Variants in CNTNAP3B observed in about 807,000 individuals in gnomAD.
CNTNAP3B encodes the protein contactin associated protein family member 3B, also known as contactin-associated protein-like 3B.
In CNTNAP3B, 25 loss-of-function variants were observed where a neutral mutation model predicts 108.9. That is an observed-to-expected ratio of 0.23 (90% CI 0.17 to 0.32). The LOEUF (loss-of-function observed/expected upper bound fraction) is 0.32. CNTNAP3B is among the 10% of genes least tolerant of loss of function. The pLI is 1.00. For synonymous variants in CNTNAP3B, 103 were observed against 473.4 expected, an observed-to-expected ratio of 0.22 and a Z score of 10.16; for missense variants, 252 against 1,210.4, an observed-to-expected ratio of 0.21 and a Z score of 11.75.
Position 41,958,461 on chromosome 9 carries a change from G to A in CNTNAP3B, c.1876+2312C>T, listed in dbSNP as rs1824946093. ...TTTTTTCTTGATAACCAGATGTGAT[G>A]TACCAGGTAAAAGTAACTGTAACTG... On this transcript the variant is annotated intron_variant, in intron 12 of 23. Transcript: ENST00000377561. Among the ~76,000 whole-genome samples, 4 of 152,108 alleles carry A rather than the reference G, an allele frequency of 2.6e-5. No homozygotes were observed. In the South Asian group the frequency reaches 6.3e-4, roughly 24 times the overall value.
chr9:41,974,992 C>T lies in CNTNAP3B; in HGVS notation c.1478-4747G>A, dbSNP rs537144589. The T allele has an allele frequency of 4.7e-3, 1,018 of 215,334 alleles. 106 individuals carry two copies. Among genetic ancestry groups the T allele is most frequent in the African/African-American group, 0.031 (974 of 31,784 alleles). The allele number at this position is 215,334 out of a possible 1,614,324, so 13.3% of individuals were successfully genotyped here. A position where few individuals can be genotyped will look rare whatever the true frequency, so the allele number is the denominator to read the frequency against. On this transcript the variant is annotated intron_variant, in intron 9 of 23. Transcript: ENST00000377561. ...CGGTCTTCCAAAGCAGCCATTCCTC[C>T]CCCAGTGAAGGAGGAACAGGACAGA...
intron 14 of CNTNAP3B, among the ~76,000 whole-genome samples, chr9:41,934,972 G>A (rs1406460084): frequency 2.0e-5 from 3 of 152,242 alleles, no homozygotes; most frequent in Non-Finnish European, 4.4e-5. Flanking sequence ...ACAGTTACAT[G>A]TGTCATCATT....
chr9:41,958,435 A>T (rs1442845789), intron 12 of CNTNAP3B, among the ~76,000 whole-genome samples: 1 of 152,120 alleles, frequency 6.6e-6, no homozygotes, highest in South Asian at 2.1e-4. Context: ...TCCAGCTGAA[A>T]TTTTTTCTTG....
chr9:41,920,952 G>A (rs1387692406), intron 17 of CNTNAP3B, among the ~76,000 whole-genome samples: 7 of 152,292 alleles, frequency 4.6e-5, no homozygotes, highest in African/African-American at 7.2e-5. Context: ...CTTGAATGCT[G>A]AAGAAACCAT....
chr9:41,950,880 C>A (rs1587136152), intron 13 of CNTNAP3B, among the ~76,000 whole-genome samples: 1 of 149,444 alleles, frequency 6.7e-6, no homozygotes, highest in East Asian at 2.0e-4. Context: ...CCTGCGTCAG[C>A]CTCCCAAGTA....
At chr9:41,967,262 G>T in intron 10 of CNTNAP3B, among the ~76,000 whole-genome samples, 1 of 152,272 alleles carries the variant, frequency 6.6e-6, no homozygotes, top group Non-Finnish European at 1.5e-5. Flanking sequence ...GGAGGTAACT[G>T]AATCATGCAG....
intron 14 of CNTNAP3B, among the ~76,000 whole-genome samples, chr9:41,931,330 A>G (rs968623093): frequency 6.6e-6 from 1 of 152,150 alleles, no homozygotes; most frequent in African/African-American, 2.4e-5. Flanking sequence ...TGGGAACATT[A>G]CAATTCTCTT....
intron 14 of CNTNAP3B, among the ~76,000 whole-genome samples, chr9:41,932,769 T>C (rs1448421762): frequency 2.3e-3 from 350 of 151,740 alleles, no homozygotes; most frequent in African/African-American, 8.2e-3. Context: ...CTGCCCGCCT[T>C]GGCCTCGCAA....
chr9:42,010,287 A>G (rs1331895251), intron 4 of CNTNAP3B, among the ~76,000 whole-genome samples: 4 of 143,048 alleles, frequency 2.8e-5, no homozygotes, highest in Non-Finnish European at 6.1e-5. Flanking sequence ...CAGAGACAGA[A>G]TGACCCAAAC....
At chr9:42,044,740 C>G (rs537525380) in intron 3 of CNTNAP3B, among the ~76,000 whole-genome samples, 4 of 144,088 alleles carry the variant, frequency 2.8e-5, no homozygotes, top group African/African-American at 8.0e-5. Flanking sequence ...GTGGACTTAA[C>G]AAGAAAAGGA....
chr9:41,929,978 T>A (rs1411915768), intron 14 of CNTNAP3B, among the ~76,000 whole-genome samples: 1 of 152,204 alleles, frequency 6.6e-6, no homozygotes, highest in Non-Finnish European at 1.5e-5. Context: ...TAACTTCCCT[T>A]CTAAAATTGT....
rs1317124103 is a variant in CNTNAP3B at position 42,118,616 on chromosome 9, C to T, written c.85+10394G>A. On this transcript the variant is annotated intron_variant, in intron 1 of 23. Coordinates refer to ENST00000377561, the MANE Select transcript of CNTNAP3B (RefSeq NM_001201380.3). ...GAAGCATTCCCTTTGAAAACTGGCA[C>T]AAGACAGGATGCCCTCTCTCACCAC... is the stretch of plus-strand genomic sequence containing the variant. Among the ~76,000 whole-genome samples the T allele has an allele frequency of 2.5e-5, 3 of 117,738 alleles. 1 individual carries two copies. The highest frequency in any genetic ancestry group is 6.9e-5 in the African/African-American group (2 of 28,872). 77.2% of individuals were successfully genotyped at this position (117,738 alleles called of 152,430 possible).
intron 1 of CNTNAP3B, among the ~76,000 whole-genome samples, chr9:42,110,545 A>G (rs1424017024): frequency 7.5e-5 from 10 of 132,512 alleles, no homozygotes; most frequent in South Asian, 2.5e-4. Context: ...AAAAAAAAAA[A>G]GAAAAAAAAA....
At chr9:42,127,330 CTTCCACTGGA>C (rs1324847831) in intron 1 of CNTNAP3B, among the ~76,000 whole-genome samples, 2 of 138,932 alleles carry the variant, frequency 1.4e-5, no homozygotes, top group Non-Finnish European at 3.1e-5. Context: ...CTTTGTAATC[CTTCCACTGGA>C]TTCCAAGCAA....
Position 42,111,053 on chromosome 9 carries a change from G to T in CNTNAP3B, c.86-6314C>A, listed in dbSNP as rs1460282815. Among the ~76,000 whole-genome samples the T allele has an allele frequency of 2.2e-5, 3 of 138,410 alleles. No homozygotes were observed. The East Asian group carries it at 6.7e-4, about 31-fold the overall frequency. The allele number at this position is 138,410 out of a possible 152,430, so 90.8% of individuals were successfully genotyped here. Reference sequence around the variant, plus strand: ...TCTTCCCTACATCTCACTCCATGGGGTCTGAAGGGGGCTCACCCTACCACC... The same window carrying T: ...TCTTCCCTACATCTCACTCCATGGGTTCTGAAGGGGGCTCACCCTACCACC... On this transcript the variant is annotated intron_variant, in intron 1 of 23. Coordinates refer to ENST00000377561, the MANE Select transcript of CNTNAP3B (RefSeq NM_001201380.3).
rs1303071755 is a variant in CNTNAP3B, at chr9:42,096,297, C to A, written c.196+8332G>T. ...TTGAGAGCAGAGCTTCAGGGCAGTC[C>A]CCACCTCTCTATGCATACTATCGTG... is the stretch of plus-strand genomic sequence containing the variant. On this transcript the variant is annotated intron_variant, in intron 2 of 23. Coordinates refer to ENST00000377561, the MANE Select transcript of CNTNAP3B (RefSeq NM_001201380.3). Among the ~76,000 whole-genome samples, 2 of 139,460 alleles carry A rather than the reference C, an allele frequency of 1.4e-5. 1 individual carries two copies. The highest frequency in any genetic ancestry group is 5.7e-5 in the African/African-American group (2 of 35,146). 91.5% of individuals were successfully genotyped at this position (139,460 alleles called of 152,430 possible).
At position 42,097,481 on chromosome 9, in the gene CNTNAP3B, T is replaced by A. The variant is rs1465850935; in HGVS notation, c.196+7148A>T. Among the ~76,000 whole-genome samples, 2 of 140,024 alleles carry A rather than the reference T, an allele frequency of 1.4e-5. 1 individual carries two copies. Among genetic ancestry groups the A allele is most frequent in the African/African-American group, 5.6e-5 (2 of 35,460 alleles). 91.9% of individuals were successfully genotyped at this position (140,024 alleles called of 152,430 possible). On this transcript the variant is annotated intron_variant, in intron 2 of 23. Coordinates refer to ENST00000377561, the MANE Select transcript of CNTNAP3B (RefSeq NM_001201380.3). Reference sequence around the variant, plus strand: ...TTTGTATTTGTTACTATCTTTGTTTTTATACCTCAAAGAACCATTTAGAGT... The same window carrying A: ...TTTGTATTTGTTACTATCTTTGTTTATATACCTCAAAGAACCATTTAGAGT...
At chr9:41,945,078 A>C (rs1453938773) in intron 13 of CNTNAP3B, among the ~76,000 whole-genome samples, 1 of 152,304 alleles carries the variant, frequency 6.6e-6, no homozygotes, top group African/African-American at 2.4e-5. Context: ...ACCATCTCAC[A>C]CCAGTTAGAA....
Position 42,107,001 on chromosome 9 carries a change from C to T in CNTNAP3B, c.86-2262G>A, listed in dbSNP as rs1294847387. Among the ~76,000 whole-genome samples, 2 of 92,156 alleles carry T rather than the reference C, an allele frequency of 2.2e-5. 1 individual carries two copies. Among genetic ancestry groups the T allele is most frequent in the African/African-American group, 8.3e-5 (2 of 24,066 alleles). 60.5% of individuals were successfully genotyped at this position (92,156 alleles called of 152,430 possible). On this transcript the variant is annotated intron_variant, in intron 1 of 23. Coordinates refer to ENST00000377561, the MANE Select transcript of CNTNAP3B (RefSeq NM_001201380.3). Reference sequence around the variant, plus strand: ...TAGCTGTTCTCATGATGCCTCTGTCCTGCAGTATCATGCAACACATAAAAC... The same window carrying T: ...TAGCTGTTCTCATGATGCCTCTGTCTTGCAGTATCATGCAACACATAAAAC...
Sources: allele counts gnomAD v4.1 joint callset (sites outside exome capture counted in the v4.1 genomes callset), GRCh38; gene constraint gnomAD v4.1.1; transcripts MANE v1.5; gene names NCBI Gene and HGNC (gene_info 2026-07-23, HGNC 2026-07-21).